Variants in SLC15A1 observed in about 807,000 individuals in gnomAD.
The protein encoded by SLC15A1 is solute carrier family 15 member 1.
In SLC15A1, 83 loss-of-function variants were observed where a neutral mutation model predicts 92.9. The observed-to-expected ratio is 0.89, with a 90% CI of 0.75 to 1.07. SLC15A1 has a LOEUF of 1.07. SLC15A1 is among the 50% of genes least tolerant of loss of function. SLC15A1 has a pLI of 0.00. For missense variants in SLC15A1, 857 were observed against 880.1 expected (o/e 0.97, Z 0.33); for synonymous variants, 322 against 318.2 (o/e 1.01, Z -0.13).
intron 18 of SLC15A1, 146 bp downstream of exon 18, chr13:98,702,334 T>C: frequency 1.5e-6 from 1 of 672,172 alleles, no homozygotes; most frequent in Non-Finnish European, 2.7e-6. Context: ...GATTGATTTT[T>C]TTGGGGAATA....
At chr13:98,738,442 A>T (rs761456244) in intron 1 of SLC15A1, among the ~76,000 whole-genome samples, 3 of 152,248 alleles carry the variant, frequency 2.0e-5, no homozygotes, top group Non-Finnish European at 2.9e-5. Context: ...AGAAGGGAAG[A>T]ATGGTTTCAT....
At position 98,710,919 on chromosome 13, in the gene SLC15A1, G is replaced by A. The variant is rs1174974947; in HGVS notation, c.900+935C>T. On this transcript the variant is annotated intron_variant, in intron 11 of 22. Coordinates refer to ENST00000376503, the MANE Select transcript of SLC15A1 (RefSeq NM_005073.4). ...TCACACTGGACCCTCACAGCCTTGCGGAGGGTGATTAGCACCCTTTGGAAA... is the reference window on the plus strand; with the variant it reads ...TCACACTGGACCCTCACAGCCTTGCAGAGGGTGATTAGCACCCTTTGGAAA... Among the ~76,000 whole-genome samples, 15 of 152,006 alleles carry A rather than the reference G, an allele frequency of 9.9e-5. No homozygotes were observed. In the East Asian group the frequency reaches 1.2e-3, roughly 12 times the overall value.
intron 1 of SLC15A1, among the ~76,000 whole-genome samples, chr13:98,747,350 C>T (rs758998688): frequency 8.5e-5 from 13 of 152,254 alleles, no homozygotes; most frequent in East Asian, 1.9e-4. Flanking sequence ...AGAATCAAGA[C>T]GCAACTGTGT....
intron 1 of SLC15A1, among the ~76,000 whole-genome samples, chr13:98,744,266 AC>A (rs2088474193): frequency 3.0e-4 from 44 of 148,438 alleles, no homozygotes; most frequent in African/African-American, 1.0e-3. Context: ...AAAAAAAAGA[AC>A]CAATCTCTTG....
intron 17 of SLC15A1, among the ~76,000 whole-genome samples, chr13:98,702,969 A>C (rs1176877535): frequency 1.6e-4 from 3 of 18,880 alleles, no homozygotes; most frequent in Non-Finnish European, 2.3e-4. Flanking sequence ...TCCTGTCTCA[A>C]AAAAAAAAAA....
At chr13:98,692,136 CTTTTTTTTTTTTTTT>C (rs528865683) in intron 18 of SLC15A1, among the ~76,000 whole-genome samples, 5,142 of 67,722 alleles carry the variant, frequency 0.076, 247 homozygotes, top group South Asian at 0.2. Flanking sequence ...TTCTCCTAAA[CTTTTTTTTTTTTTTT>C]TTTTTTTTTT....
chr13:98,747,200 C>T (rs1690590736), intron 1 of SLC15A1, among the ~76,000 whole-genome samples: 1 of 152,208 alleles, frequency 6.6e-6, no homozygotes, highest in Non-Finnish European at 1.5e-5. Context: ...GTCAACCGTG[C>T]TCGCTCAGCT....
chr13:98,718,518 A>G (rs372698387), intron 8 of SLC15A1, among the ~76,000 whole-genome samples: 7 of 151,844 alleles, frequency 4.6e-5, no homozygotes, highest in East Asian at 3.9e-4. Context: ...ATAAACAAAA[A>G]CAACAACAAA....
intron 1 of SLC15A1, among the ~76,000 whole-genome samples, chr13:98,739,052 G>C (rs1594009390): frequency 6.6e-6 from 1 of 152,372 alleles, no homozygotes; most frequent in African/African-American, 2.4e-5. Flanking sequence ...CTATTTGGGA[G>C]CTTTAAGATT....
intron 18 of SLC15A1, among the ~76,000 whole-genome samples, chr13:98,692,028 G>A (rs1475815873): frequency 2.0e-5 from 3 of 149,432 alleles, no homozygotes; most frequent in Admixed American, 6.7e-5. Context: ...AGCCGAGATC[G>A]CACCATTGTA....
At chr13:98,703,196 G>A (rs933187750) in intron 17 of SLC15A1, among the ~76,000 whole-genome samples, 2 of 147,216 alleles carry the variant, frequency 1.4e-5, no homozygotes, top group African/African-American at 5.1e-5. Flanking sequence ...GAGGGAGGGA[G>A]GGAAGGAAGG....
intron 18 of SLC15A1, among the ~76,000 whole-genome samples, chr13:98,692,136 CTTTTTTTTTTT>C (rs528865683): frequency 0.12 from 8,269 of 67,356 alleles, 564 homozygotes; most frequent in East Asian, 0.41. Flanking sequence ...TTCTCCTAAA[CTTTTTTTTTTT>C]TTTTTTTTTT....
chr13:98,737,158 C>T (rs1055803116), intron 1 of SLC15A1, among the ~76,000 whole-genome samples: 1 of 152,182 alleles, frequency 6.6e-6, no homozygotes, highest in Non-Finnish European at 1.5e-5. Flanking sequence ...GAATACTATT[C>T]AGCCATGAAA....
intron 11 of SLC15A1, among the ~76,000 whole-genome samples, 183 bp downstream of exon 11, chr13:98,711,671 G>A (rs1198040081): frequency 7.2e-5 from 2 of 27,898 alleles, no homozygotes; most frequent in Non-Finnish European, 2.0e-4. Context: ...TTTTGGTTTT[G>A]TTTTGTTTTG....
chr13:98,737,855 A>G (rs1355863130), intron 1 of SLC15A1, among the ~76,000 whole-genome samples: 2 of 152,226 alleles, frequency 1.3e-5, no homozygotes, highest in Admixed American at 6.5e-5. Flanking sequence ...AAGATGAGGG[A>G]AAGTTTGGAA....
At position 98,722,025 on chromosome 13, in the gene SLC15A1, G is replaced by A. The variant is rs369557306; in HGVS notation, c.366-122C>T. The A allele has an allele frequency of 5.8e-4, 410 of 712,394 alleles. 7 individuals carry two copies. In the South Asian group the frequency reaches 9.1e-3, roughly 16 times the overall value. The allele number at this position is 712,394 out of a possible 1,614,324, so 44.1% of individuals were successfully genotyped here. On this transcript the variant is annotated intron_variant, in intron 5 of 22. Coordinates refer to ENST00000376503, the MANE Select transcript of SLC15A1 (RefSeq NM_005073.4). ...CACACATAGAGAAGAAGACAATCTC[G>A]CGAGAAGCCAGCTCACAGGAATGCA...
At chr13:98,737,398 C>T (rs753824506) in intron 1 of SLC15A1, among the ~76,000 whole-genome samples, 5 of 152,050 alleles carry the variant, frequency 3.3e-5, no homozygotes, top group Admixed American at 2.0e-4. Flanking sequence ...ATGTAAATGA[C>T]GGGTTAATGG....
chr13:98,716,479 G>C (rs2088212154), intron 8 of SLC15A1, among the ~76,000 whole-genome samples: 1 of 151,926 alleles, frequency 6.6e-6, no homozygotes, highest in Non-Finnish European at 1.5e-5. Flanking sequence ...AAAATTAGCT[G>C]GGTGTGGTGA....
intron 18 of SLC15A1, among the ~76,000 whole-genome samples, chr13:98,697,635 TTA>T (rs1491309447): frequency 1.3e-3 from 190 of 151,292 alleles, no homozygotes; most frequent in African/African-American, 4.4e-3. Flanking sequence ...TTTTTTTTTT[TTA>T]AATCTTTTAG....
Sources: allele counts gnomAD v4.1 joint callset (sites outside exome capture counted in the v4.1 genomes callset), GRCh38; gene constraint gnomAD v4.1.1; transcripts MANE v1.5; gene names NCBI Gene and HGNC (gene_info 2026-07-23, HGNC 2026-07-21).